The following SRGAP2 variants were observed in gnomAD, a reference collection of about 807,000 sequenced individuals.
SRGAP2 encodes the protein SLIT-ROBO Rho GTPase-activating protein 2.
A neutral mutation model predicts 57.2 loss-of-function variants in SRGAP2; 15 were observed. The observed-to-expected ratio is 0.26, with a 90% confidence interval of 0.18 to 0.40. The LOEUF is 0.40. Ranked by LOEUF, SRGAP2 falls within the 10% of genes least tolerant of loss-of-function variation. The pLI is 1.00. For missense variants in SRGAP2, 520 were observed against 669.6 expected, an observed-to-expected ratio of 0.78 and a Z score of 2.47; for synonymous variants, 249 against 248.0, an observed-to-expected ratio of 1.00 and a Z score of -0.04.
At chr1:206,425,679 C>T (rs1022175619) in intron 13 of SRGAP2, among the ~76,000 whole-genome samples, 2 of 152,066 alleles carry the variant, frequency 1.3e-5, no homozygotes, top group African/African-American at 2.4e-5. Context: ...GGATTACAGG[C>T]GCGCACCACA....
Position 206,319,826 on chromosome 1 carries a change from C to A in SRGAP2, c.260+16353C>A, listed in dbSNP as rs201516467. Among the ~76,000 whole-genome samples the A allele has an allele frequency of 3.4e-3, 440 of 130,248 alleles. 1 individual carries two copies. Among genetic ancestry groups the A allele is most frequent in the African/African-American group, 0.011 (279 of 25,718 alleles). 85.4% of individuals were successfully genotyped at this position (130,248 alleles called of 152,430 possible). A position where few individuals can be genotyped will look rare whatever the true frequency, so the allele number is the denominator to read the frequency against. On this transcript the variant is annotated intron_variant, in intron 3 of 22. Transcript: ENST00000573034. ...TGTTGTTGTTGTTTTTTGTTTTTTG[C>A]GATGGAGTCTCTCACTCTGTTGCCC... is the stretch of plus-strand genomic sequence containing the variant.
intron 12 of SRGAP2, among the ~76,000 whole-genome samples, chr1:206,420,468 C>A (rs897483818): frequency 6.6e-6 from 1 of 152,102 alleles, no homozygotes; most frequent in African/African-American, 2.4e-5. Context: ...TGCTGTGAGA[C>A]CTTAGGCCGC....
intron 4 of SRGAP2, among the ~76,000 whole-genome samples, chr1:206,373,573 A>G (rs1654916595): frequency 3.3e-5 from 1 of 30,518 alleles, no homozygotes; most frequent in Admixed American, 3.6e-4. Context: ...TGTCTTTACT[A>G]AAATACAAAA....
chr1:206,463,168 G>A lies in SRGAP2; in HGVS notation c.*1748G>A, dbSNP rs1404575196. On this transcript the variant is annotated 3_prime_UTR_variant, in exon 23 of 23. Transcript: ENST00000573034. Reference sequence around the variant, plus strand: ...GTAGGATTTTTTTTTTTTTAATCCTGTGCAAAGGAAAAGAGGTGCTTTGTG... The same window carrying A: ...GTAGGATTTTTTTTTTTTTAATCCTATGCAAAGGAAAAGAGGTGCTTTGTG... 1.3e-5 allele frequency: 2 copies of A among 151,176 alleles called. No homozygotes were observed. Among genetic ancestry groups the A allele is most frequent in the Admixed American group, 6.6e-5 (1 of 15,148 alleles). 9.4% of individuals were successfully genotyped at this position (151,176 alleles called of 1,614,324 possible). A position where few individuals can be genotyped will look rare whatever the true frequency, so the allele number is the denominator to read the frequency against.
At chr1:206,352,900 C>CA (rs1240663438) in intron 4 of SRGAP2, among the ~76,000 whole-genome samples, 1 of 152,200 alleles carries the variant, frequency 6.6e-6, no homozygotes, top group Admixed American at 6.5e-5. Context: ...ACTGTAGACT[C>CA]AAACTTCTGT....
chr1:206,264,125 CGCTGGGTTTAGTGGAAGATGAA>C (rs1271665351), intron 2 of SRGAP2, among the ~76,000 whole-genome samples: 1 of 152,090 alleles, frequency 6.6e-6, no homozygotes, highest in Non-Finnish European at 1.5e-5. Context: ...ATTAGTGTCC[CGCTGGGTTTAGTGGAAGATGAA>C]ATCTGAGCTT....
At chr1:206,359,867 C>T (rs1341194486) in intron 4 of SRGAP2, among the ~76,000 whole-genome samples, 62 of 112,698 alleles carry the variant, frequency 5.5e-4, no homozygotes, top group Non-Finnish European at 1.5e-4. Flanking sequence ...AGTGCAGTGG[C>T]GGGATCTCGG....
intron 2 of SRGAP2, among the ~76,000 whole-genome samples, chr1:206,232,188 G>A (rs1340931639): frequency 6.6e-6 from 1 of 152,134 alleles, no homozygotes; most frequent in Non-Finnish European, 1.5e-5. Flanking sequence ...CAGACGGCCT[G>A]GGCGCTCACA....
At chr1:206,309,663 T>A (rs1183127202) in intron 3 of SRGAP2, among the ~76,000 whole-genome samples, 10 of 151,784 alleles carry the variant, frequency 6.6e-5, no homozygotes, top group Admixed American at 5.9e-4. Flanking sequence ...TGAGGGAAGA[T>A]CTGTTTTGAA....
At chr1:206,446,898 T>TA (rs782342289) in intron 18 of SRGAP2, among the ~76,000 whole-genome samples, 1 of 152,172 alleles carries the variant, frequency 6.6e-6, no homozygotes, top group African/African-American at 2.4e-5. Flanking sequence ...AACAGAGATC[T>TA]AAAAGGAATC....
chr1:206,248,376 T>C (rs1668629120), intron 2 of SRGAP2, among the ~76,000 whole-genome samples: 1 of 152,094 alleles, frequency 6.6e-6, no homozygotes, highest in African/African-American at 2.4e-5. Context: ...TTAGCTGTAT[T>C]ATGTGAAGTT....
chr1:206,303,915 C>G (rs1571799955), intron 3 of SRGAP2, among the ~76,000 whole-genome samples: 1 of 150,336 alleles, frequency 6.7e-6, no homozygotes, highest in East Asian at 1.9e-4. Context: ...CACACACACA[C>G]ACACTCACAC....
chr1:206,399,084 T>G (rs1657895092), intron 7 of SRGAP2, among the ~76,000 whole-genome samples: 1 of 152,230 alleles, frequency 6.6e-6, no homozygotes, highest in African/African-American at 2.4e-5. Flanking sequence ...CCAGAAGGAT[T>G]AAGTAGCTTG....
At chr1:206,404,418 A>G (rs1375313643) in intron 8 of SRGAP2, among the ~76,000 whole-genome samples, 2 of 152,224 alleles carry the variant, frequency 1.3e-5, no homozygotes, top group African/African-American at 2.4e-5. Context: ...ACAAGAGGCT[A>G]AAGGACGAAC....
intron 4 of SRGAP2, among the ~76,000 whole-genome samples, chr1:206,375,468 G>C (rs761230378): frequency 1.3e-5 from 2 of 152,184 alleles, no homozygotes; most frequent in Non-Finnish European, 2.9e-5. Flanking sequence ...AAGGGTAAAA[G>C]ATGGAAATTT....
chr1:206,360,042 G>A (rs1248948449), intron 4 of SRGAP2, among the ~76,000 whole-genome samples: 12 of 151,816 alleles, frequency 7.9e-5, no homozygotes, highest in East Asian at 5.8e-4. Context: ...TCCTGACCTC[G>A]TGATCCGCCC....
intron 13 of SRGAP2, among the ~76,000 whole-genome samples, chr1:206,426,260 C>T (rs1553366289): frequency 6.6e-6 from 1 of 152,224 alleles, no homozygotes; most frequent in Non-Finnish European, 1.5e-5. Flanking sequence ...TTTTACTTAA[C>T]ACAGTGTCCT....
chr1:206,250,871 CTCTT>C (rs1461786127), intron 2 of SRGAP2, among the ~76,000 whole-genome samples: 4 of 144,594 alleles, frequency 2.8e-5, no homozygotes, highest in South Asian at 4.6e-4. Context: ...TGCCTCCATC[CTCTT>C]TCTAAGTGTG....
At position 206,440,288 on chromosome 1, in the gene SRGAP2, A is replaced by G. The variant is rs547679490; in HGVS notation, c.1874+207A>G. On this transcript the variant is annotated intron_variant, in intron 17 of 22. Transcript: ENST00000573034. ...ATTTAGCTCCTGTTCCAGGGAAGGA[A>G]ACAGCCAATAACAGATATATCAGGT... is the stretch of plus-strand genomic sequence containing the variant. Among the ~76,000 whole-genome samples, 6 of 152,338 alleles carry G rather than the reference A, an allele frequency of 3.9e-5. No individual in the cohort carries two copies. In the South Asian group the frequency reaches 1.2e-3, roughly 32 times the overall value.
Sources: gnomAD v4.1 joint callset for allele counts (sites outside exome capture counted in the v4.1 genomes callset) on GRCh38, gnomAD v4.1.1 for gene constraint, MANE v1.5 for transcripts, NCBI Gene and HGNC (gene_info 2026-07-23, HGNC 2026-07-21) for gene names.